The following PTBP3 variants were observed in gnomAD, a reference collection of about 807,000 sequenced individuals.
PTBP3 encodes the protein polypyrimidine tract binding protein 3.
PTBP3 carries 20 observed loss-of-function variants against 58.7 expected under a neutral mutation model. The ratio of observed to expected loss-of-function variants is 0.34; its 90% confidence interval spans 0.24 to 0.50. The LOEUF is 0.50. Ranked by LOEUF, PTBP3 falls within the 20% of genes least tolerant of loss-of-function variation. The pLI, the probability that PTBP3 is intolerant of heterozygous loss-of-function variation, is 0.98. For synonymous variants in PTBP3, 185 were observed against 219.8 expected (o/e 0.84, Z 1.40); for missense variants, 509 against 637.2 (o/e 0.80, Z 2.17).
At chr9:112,309,871 G>A (rs1232266764) in intron 1 of PTBP3, among the ~76,000 whole-genome samples, 1 of 152,098 alleles carries the variant, frequency 6.6e-6, no homozygotes, top group African/African-American at 2.4e-5. Context: ...TCATTGCGTG[G>A]CACTACCTGA....
chr9:112,362,964 G>A, the PTBP3 span: 1 of 252,324 alleles, frequency 4.0e-6, no homozygotes. Context: ...TCAAGGACTT[G>A]GAAGGGCTGC....
At chr9:112,321,971 T>C (rs1379967089) in intron 1 of PTBP3, among the ~76,000 whole-genome samples, 1 of 151,576 alleles carries the variant, frequency 6.6e-6, no homozygotes, top group Non-Finnish European at 1.5e-5. Context: ...CTGTCTCTAC[T>C]AAAAAATACA....
At chr9:112,249,924 T>A (rs1836038325) in intron 7 of PTBP3, among the ~76,000 whole-genome samples, 1 of 151,950 alleles carries the variant, frequency 6.6e-6, no homozygotes, top group Non-Finnish European at 1.5e-5. Context: ...TAGGGGCTGG[T>A]AACAAATACA....
intron 2 of PTBP3, among the ~76,000 whole-genome samples, chr9:112,290,158 G>A (rs1051717570): frequency 7.2e-5 from 11 of 152,070 alleles, no homozygotes; most frequent in East Asian, 1.9e-4. Context: ...CTGCATACAC[G>A]TATAACAAAG....
intron 2 of PTBP3, among the ~76,000 whole-genome samples, chr9:112,295,146 G>A (rs1828613806): frequency 6.6e-6 from 1 of 151,826 alleles, no homozygotes; most frequent in South Asian, 2.1e-4. Flanking sequence ...GGCCGAGGCA[G>A]GAGAATCTCT....
chr9:112,218,104 A>G (rs1037489249), downstream of PTBP3: 2 of 152,220 alleles, frequency 1.3e-5, no homozygotes, highest in African/African-American at 4.8e-5. Flanking sequence ...TATGGGGAGA[A>G]AGAGAGAAAG....
At position 112,221,625 on chromosome 9, in the gene PTBP3, C is replaced by T. The variant is rs920811770; in HGVS notation, c.*2226G>A. Reference sequence around the variant, plus strand: ...TATACCCCTTGTGTCTAGGTCAAAACTTATTTCATAAGTAAAAAAACAAAA... The same window carrying T: ...TATACCCCTTGTGTCTAGGTCAAAATTTATTTCATAAGTAAAAAAACAAAA... On this transcript the variant is annotated 3_prime_UTR_variant, in exon 14 of 14. Coordinates refer to ENST00000374257, the MANE Select transcript of PTBP3 (RefSeq NM_001163788.4). The T allele has an allele frequency of 2.0e-6, 2 of 985,146 alleles. No homozygotes were observed. The highest frequency in any genetic ancestry group is 2.4e-6 in the Non-Finnish European group (2 of 829,860). 61.0% of individuals were successfully genotyped at this position (985,146 alleles called of 1,614,324 possible).
At chr9:112,375,549 T>C in the PTBP3 span, among the ~76,000 whole-genome samples, 22 of 152,246 alleles carry the variant, frequency 1.4e-4, no homozygotes, top group African/African-American at 4.8e-4. Context: ...CAACTGATCA[T>C]GTCAACTGAT....
intron 5 of PTBP3, among the ~76,000 whole-genome samples, chr9:112,260,655 G>C (rs1836555621): frequency 6.6e-6 from 1 of 152,216 alleles, no homozygotes; most frequent in African/African-American, 2.4e-5. Flanking sequence ...GGTAGGGAGA[G>C]AGAGACAGTG....
chr9:112,374,588 G>C, the PTBP3 span, among the ~76,000 whole-genome samples: 1 of 152,200 alleles, frequency 6.6e-6, no homozygotes, highest in African/African-American at 2.4e-5. Flanking sequence ...CCATTCCACT[G>C]TTCTATCAAT....
intron 1 of PTBP3, among the ~76,000 whole-genome samples, chr9:112,315,120 C>T (rs143011749): frequency 3.9e-5 from 6 of 151,968 alleles, no homozygotes; most frequent in East Asian, 1.9e-4. Context: ...CATGAGCCAC[C>T]GCCCCCGGCC....
chr9:112,309,200 CT>C (rs941696010), intron 1 of PTBP3, among the ~76,000 whole-genome samples: 32 of 149,324 alleles, frequency 2.1e-4, no homozygotes, highest in African/African-American at 3.9e-4. Flanking sequence ...AATCCTAGAC[CT>C]TTTTTTTTTA....
chr9:112,357,926 A>T, the PTBP3 span, among the ~76,000 whole-genome samples: 30 of 152,306 alleles, frequency 2.0e-4, no homozygotes, highest in Admixed American at 1.9e-3. Context: ...GTTGCACAAC[A>T]ATGTAAATGT....
intron 2 of PTBP3, among the ~76,000 whole-genome samples, chr9:112,286,448 C>G (rs917512317): frequency 6.6e-6 from 1 of 151,532 alleles, no homozygotes; most frequent in Admixed American, 6.6e-5. Context: ...ATATGCTATC[C>G]CTTTTTACTT....
At chr9:112,306,589 T>C (rs1829224294) in intron 1 of PTBP3, among the ~76,000 whole-genome samples, 1 of 98,662 alleles carries the variant, frequency 1.0e-5, no homozygotes, top group Non-Finnish European at 1.9e-5. Context: ...TAAATTTGTA[T>C]ATATATATAT....
intron 1 of PTBP3, chr9:112,330,480 T>C (rs759230453): frequency 2.6e-6 from 4 of 1,521,114 alleles, no homozygotes; most frequent in South Asian, 2.4e-5. Flanking sequence ...CAACACTGTA[T>C]GGAAAAAGTA....
In PTBP3 at chr9:112,219,975, A is replaced by T. The variant is rs542347573; in HGVS notation, c.*3876T>A. The T allele has an allele frequency of 2.9e-6, 2 of 685,240 alleles. No individual in the cohort carries two copies. Among genetic ancestry groups the T allele is most frequent in the Non-Finnish European group, 3.7e-6 (2 of 534,780 alleles). 42.4% of individuals were successfully genotyped at this position (685,240 alleles called of 1,614,324 possible). On this transcript the variant is annotated 3_prime_UTR_variant, in exon 14 of 14. Coordinates refer to ENST00000374257, the MANE Select transcript of PTBP3 (RefSeq NM_001163788.4). ...GAGTTATATTTTCAAATTTTGTGCAATCTAAATTGTATTTCTTTCAGCACA... is the reference window on the plus strand; with the variant it reads ...GAGTTATATTTTCAAATTTTGTGCATTCTAAATTGTATTTCTTTCAGCACA...
At chr9:112,262,634 T>C (rs746728895) in intron 4 of PTBP3, 35 bp from the exon 5 acceptor site, 1 of 1,518,152 alleles carries the variant, frequency 6.6e-7, no homozygotes, top group Non-Finnish European at 8.8e-7. Context: ...CTTTTGATTA[T>C]ACAGACGCAT....
At chr9:112,233,272 GGTGTGTGTGTGT>G (rs72086685) in intron 8 of PTBP3, among the ~76,000 whole-genome samples, 31,232 of 144,286 alleles carry the variant, frequency 0.22, 3,989 homozygotes, top group Non-Finnish European at 0.3. Context: ...TACACTGTAG[GGTGTGTGTGTGT>G]GTGTGTGTGT....
Sources: gnomAD v4.1 joint callset for allele counts (sites outside exome capture counted in the v4.1 genomes callset) on GRCh38, gnomAD v4.1.1 for gene constraint, MANE v1.5 for transcripts, NCBI Gene and HGNC (gene_info 2026-07-23, HGNC 2026-07-21) for gene names.